ZBTB20: variants seen among roughly 807,000 people sequenced by gnomAD.
ZBTB20 encodes zinc finger and BTB domain containing 20.
Under a neutral mutation model 56.9 loss-of-function variants are expected in ZBTB20, and 9 were observed. The ratio of observed to expected loss-of-function variants is 0.16; its 90% CI spans 0.10 to 0.28. The LOEUF (loss-of-function observed/expected upper bound fraction) is 0.28, where lower values mean the gene tolerates loss of function less well. ZBTB20 is among the 10% of genes least tolerant of loss of function. The probability of loss-of-function intolerance (pLI) is 1.00; values close to 1 mark genes in which losing one functional copy is unlikely to be tolerated. For missense variants in ZBTB20, 655 were observed against 1,003.0 expected (o/e 0.65, Z 4.69); for synonymous variants, 417 against 420.7 (o/e 0.99, Z 0.11).
chr3:114,833,371 A>G (rs983673567), intron 4 of ZBTB20, among the ~76,000 whole-genome samples: 1 of 152,186 alleles, frequency 6.6e-6, no homozygotes, highest in Non-Finnish European at 1.5e-5. Context: ...AAATGCAACA[A>G]TACAACTGCA....
chr3:114,715,650 A>G (rs1232127956), intron 5 of ZBTB20, among the ~76,000 whole-genome samples: 2 of 152,192 alleles, frequency 1.3e-5, no homozygotes, highest in African/African-American at 2.4e-5. Context: ...GTAATGGTTA[A>G]TGAGAATTAT....
At chr3:114,826,792 A>AT (rs1299659831) in intron 4 of ZBTB20, among the ~76,000 whole-genome samples, 1 of 151,780 alleles carries the variant, frequency 6.6e-6, no homozygotes, top group African/African-American at 2.4e-5. Context: ...TGGAAGTTAC[A>AT]TATTTTCTTT....
intron 5 of ZBTB20, among the ~76,000 whole-genome samples, chr3:114,777,937 C>T (rs1001348101): frequency 1.3e-4 from 20 of 151,578 alleles, no homozygotes; most frequent in Admixed American, 2.0e-4. Context: ...GAGTTCATGT[C>T]CTTTGTAGGG....
rs79833592 is a variant in ZBTB20, at chr3:115,051,031, G to A, written c.-507+20188C>T. 4.1e-4 allele frequency among the ~76,000 whole-genome samples: 62 copies of A among 151,884 alleles called. 1 individual carries two copies. In the East Asian group the frequency reaches 0.011, roughly 27 times the overall value. ...TTCCTATACTCAGAAATTCCAAAAC[G>A]CTGTTATTTAAATTATTAATGATTT... is the stretch of plus-strand genomic sequence containing the variant. On this transcript the variant is annotated intron_variant, in intron 2 of 11. Transcript: ENST00000675478.
chr3:115,055,187 A>AACTC (rs1553886760), intron 2 of ZBTB20, among the ~76,000 whole-genome samples: 3 of 103,142 alleles, frequency 2.9e-5, no homozygotes, highest in Non-Finnish European at 5.7e-5. Context: ...CCTCCTGGTA[A>AACTC]TCTCTCTCTC....
At chr3:114,444,875 C>A (rs553882257) in intron 7 of ZBTB20, among the ~76,000 whole-genome samples, 1 of 152,106 alleles carries the variant, frequency 6.6e-6, no homozygotes, top group South Asian at 2.1e-4. Flanking sequence ...AAGTTTTTCT[C>A]GTAAATTTTG....
At chr3:114,663,752 A>G (rs2060887030) in intron 6 of ZBTB20, among the ~76,000 whole-genome samples, 1 of 151,712 alleles carries the variant, frequency 6.6e-6, no homozygotes, top group Non-Finnish European at 1.5e-5. Flanking sequence ...GTCTCTGATA[A>G]AACAGACTTT....
At chr3:114,982,941 C>T (rs1432703175) in intron 2 of ZBTB20, among the ~76,000 whole-genome samples, 2 of 151,906 alleles carry the variant, frequency 1.3e-5, no homozygotes, top group Non-Finnish European at 2.9e-5. Flanking sequence ...AAATATCATC[C>T]TTTGCCTCTA....
intron 6 of ZBTB20, among the ~76,000 whole-genome samples, chr3:114,604,908 C>T (rs554720593): frequency 1.4e-4 from 21 of 152,016 alleles, no homozygotes; most frequent in Non-Finnish European, 2.8e-4. Flanking sequence ...TGGAGAAGAC[C>T]TGGATGTTTG....
intron 4 of ZBTB20, chr3:114,873,810 T>G (rs1479162681): frequency 6.6e-6 from 1 of 152,186 alleles, no homozygotes; most frequent in Non-Finnish European, 1.5e-5. Flanking sequence ...GCTTTCTCAA[T>G]TTGTGGGCGC....
chr3:115,110,776 G>GT lies in ZBTB20; in HGVS notation c.-703+36442dup, dbSNP rs530911095. On this transcript the variant is annotated intron_variant, in intron 1 of 11. Coordinates refer to ENST00000675478, the MANE Select transcript of ZBTB20 (RefSeq NM_001348800.3). ...GGCCAAGGCAGGTGGATCACCTAAG[G>GT]TTGGGAGTGTGAGACCAGCCTGGCC... is the stretch of plus-strand genomic sequence containing the variant. Among the ~76,000 whole-genome samples the GT allele has an allele frequency of 3.7e-3, 558 of 152,182 alleles. 2 individuals carry two copies. The highest frequency in any genetic ancestry group is 0.012 in the African/African-American group (487 of 41,524).
chr3:114,698,526 C>T (rs1249774981), intron 5 of ZBTB20, among the ~76,000 whole-genome samples: 2 of 152,082 alleles, frequency 1.3e-5, no homozygotes, highest in Admixed American at 1.3e-4. Context: ...GAAGTTGTTT[C>T]TGCTGCTAGG....
At position 114,938,271 on chromosome 3, in the gene ZBTB20, A is replaced by C. The variant is rs1008041647; in HGVS notation, c.-456+36095T>G. On this transcript the variant is annotated intron_variant, in intron 3 of 11. Transcript: ENST00000675478. ...TTCTTTTGCTGTGCAGAAACTCTTT[A>C]GTTTAATTAGATCCCATTTGTCATT... Among the ~76,000 whole-genome samples the C allele has an allele frequency of 4.8e-5, 7 of 146,126 alleles. 1 individual carries two copies. The highest frequency in any genetic ancestry group is 7.4e-5 in the Non-Finnish European group (5 of 67,984).
intron 5 of ZBTB20, among the ~76,000 whole-genome samples, chr3:114,760,560 A>C (rs1280576877): frequency 1.3e-5 from 2 of 152,188 alleles, no homozygotes; most frequent in Non-Finnish European, 2.9e-5. Flanking sequence ...GGGATTTAAT[A>C]CATGACAATT....
rs2078671507 is a variant in ZBTB20, at chr3:114,315,997, TTA to T, written c.*23006_*23007del. ...TTTTTTTCAGTTTTTATTTCAAACA[TTA>T]AGAGAGTACTGATTTTCACATGGTA... On this transcript the variant is annotated 3_prime_UTR_variant, in exon 12 of 12. Transcript: ENST00000675478. The T allele has an allele frequency of 6.3e-6, 1 of 159,518 alleles. No homozygotes were observed. The highest frequency in any genetic ancestry group is 1.4e-5 in the Non-Finnish European group (1 of 73,676). The allele number at this position is 159,518 out of a possible 1,614,324, so 9.9% of individuals were successfully genotyped here.
intron 3 of ZBTB20, among the ~76,000 whole-genome samples, chr3:114,964,172 T>C (rs2077556454): frequency 6.6e-6 from 1 of 152,138 alleles, no homozygotes; most frequent in Non-Finnish European, 1.5e-5. Flanking sequence ...CTCAGCACTT[T>C]GGGAGGCCAA....
intron 1 of ZBTB20, among the ~76,000 whole-genome samples, chr3:115,113,090 C>A (rs1481735275): frequency 1.3e-5 from 2 of 152,116 alleles, no homozygotes; most frequent in African/African-American, 2.4e-5. Flanking sequence ...ATTTGTACGT[C>A]TTCTTTTGAG....
chr3:114,829,531 T>C (rs1010484286), intron 4 of ZBTB20, among the ~76,000 whole-genome samples: 1 of 151,866 alleles, frequency 6.6e-6, no homozygotes, highest in African/African-American at 2.4e-5. Context: ...GAGTAACAAG[T>C]ATTGCCAATA....
At chr3:114,666,785 T>C (rs1308806727) in intron 6 of ZBTB20, among the ~76,000 whole-genome samples, 1 of 152,030 alleles carries the variant, frequency 6.6e-6, no homozygotes, top group Admixed American at 6.6e-5. Context: ...GTTTTAAAAC[T>C]GTCCATGAGG....
Sources: gnomAD v4.1 joint callset for allele counts (sites outside exome capture counted in the v4.1 genomes callset) on GRCh38, gnomAD v4.1.1 for gene constraint, MANE v1.5 for transcripts, NCBI Gene and HGNC (gene_info 2026-07-23, HGNC 2026-07-21) for gene names.